C5orf24: variants seen among roughly 807,000 people sequenced by gnomAD.
C5orf24 encodes the protein UPF0461 protein C5orf24.
A neutral mutation model predicts 9.8 loss-of-function variants in C5orf24; 4 were observed. The observed-to-expected ratio is 0.41, with a 90% CI of 0.20 to 0.93. The LOEUF (loss-of-function observed/expected upper bound fraction) is 0.93, where lower values mean the gene tolerates loss of function less well. C5orf24 is among the 40% of genes least tolerant of loss of function. The probability of loss-of-function intolerance (pLI) is 0.33; values close to 1 mark genes in which losing one functional copy is unlikely to be tolerated. For synonymous variants in C5orf24, 73 were observed against 81.3 expected, an observed-to-expected ratio of 0.90 and a Z score of 0.55; for missense variants, 170 against 236.9, an observed-to-expected ratio of 0.72 and a Z score of 1.85.
chr5:134,854,892 T>C lies in C5orf24; in HGVS notation c.-3-6T>C, dbSNP rs201064253. On this transcript the variant is annotated splice_polypyrimidine_tract_variant and splice_region_variant and intron_variant, in intron 1 of 1. Coordinates refer to ENST00000394976, the MANE Select transcript of C5orf24 (RefSeq NM_001135586.1). The stretch of plus-strand genomic sequence containing the variant: ...TTTATATATATTTGTCTTTTATTTT[T>C]GGTAGAAAATGATGCATCCTGTTGC... 1.2e-6 allele frequency: 2 copies of C among 1,612,898 alleles called. No homozygotes were observed. The highest frequency in any genetic ancestry group is 2.7e-5 in the African/African-American group (2 of 74,954).
At chr5:134,835,684 T>G in the C5orf24 span, among the ~76,000 whole-genome samples, 1 of 151,994 alleles carries the variant, frequency 6.6e-6, no homozygotes, top group African/African-American at 2.4e-5. Context: ...GCTTCTGTGT[T>G]TTTTTTTCTT....
At chr5:134,834,412 C>T in the C5orf24 span, among the ~76,000 whole-genome samples, 17 of 152,276 alleles carry the variant, frequency 1.1e-4, no homozygotes, top group African/African-American at 4.1e-4. Context: ...CATCTTTTCT[C>T]TGTGCCTTTG....
chr5:134,853,528 C>CTTCTTTTTTTTTT (rs1756223114), intron 1 of C5orf24, among the ~76,000 whole-genome samples: 13 of 104,246 alleles, frequency 1.2e-4, no homozygotes, highest in African/African-American at 4.6e-4. Context: ...TCTTCTTCTT[C>CTTCTTTTTTTTTT]TTTTTTTTTT....
rs2150176955 is a variant in C5orf24, at chr5:134,855,979, C to T, written c.*512C>T. 4.0e-6 allele frequency: 4 copies of T among 1,002,554 alleles called. No homozygotes were observed. The highest frequency in any genetic ancestry group is 3.5e-5 in the African/African-American group (2 of 57,384). The allele number at this position is 1,002,554 out of a possible 1,614,324, so 62.1% of individuals were successfully genotyped here. Reference sequence around the variant, plus strand: ...ACATATTTGTATGCTTTGGCATTTACATCCACTTCAAATGTTAAAAAACTT... The same window carrying T: ...ACATATTTGTATGCTTTGGCATTTATATCCACTTCAAATGTTAAAAAACTT... On this transcript the variant is annotated 3_prime_UTR_variant, in exon 2 of 2. Coordinates refer to ENST00000394976, the MANE Select transcript of C5orf24 (RefSeq NM_001135586.1).
Position 134,855,764 on chromosome 5 carries a change from C to T in C5orf24, c.*297C>T. The T allele has an allele frequency of 8.0e-7, 1 of 1,252,160 alleles. No individual in the cohort carries two copies. Among genetic ancestry groups the T allele is most frequent in the Non-Finnish European group, 1.0e-6 (1 of 986,086 alleles). The allele number at this position is 1,252,160 out of a possible 1,614,324, so 77.6% of individuals were successfully genotyped here. A position where few individuals can be genotyped will look rare whatever the true frequency, so the allele number is the denominator to read the frequency against. On this transcript the variant is annotated 3_prime_UTR_variant, in exon 2 of 2. Coordinates refer to ENST00000394976, the MANE Select transcript of C5orf24 (RefSeq NM_001135586.1). The stretch of plus-strand genomic sequence containing the variant: ...GTTTCATTACTACTTTGGGGCTGTT[C>T]TAAATAGATGCTTTATGTGATAAAC...
Position 134,856,979 on chromosome 5 carries a change from TC to T in C5orf24, c.*1517del, listed in dbSNP as rs1756331227. 2.0e-6 allele frequency: 2 copies of T among 1,006,204 alleles called. No individual in the cohort carries two copies. Among genetic ancestry groups the T allele is most frequent in the South Asian group, 4.7e-5 (1 of 21,478 alleles). The allele number at this position is 1,006,204 out of a possible 1,614,324, so 62.3% of individuals were successfully genotyped here. A position where few individuals can be genotyped will look rare whatever the true frequency, so the allele number is the denominator to read the frequency against. On this transcript the variant is annotated 3_prime_UTR_variant, in exon 2 of 2. Transcript: ENST00000394976. ...ACCATCTCATCCAAAAGATTTTTTT[TC>T]CCCCAATGATGTTTGCTTTAGAAGC...
chr5:134,836,946 A>G, the C5orf24 span, among the ~76,000 whole-genome samples: 1 of 151,930 alleles, frequency 6.6e-6, no homozygotes, highest in African/African-American at 2.4e-5. Context: ...TACTTGAACA[A>G]CCTTGGGCTT....
Position 134,855,481 on chromosome 5 carries a change from AG to A in C5orf24, c.*15del. 6.2e-7 allele frequency: 1 copy of A among 1,613,374 alleles called. No homozygotes were observed. The highest frequency in any genetic ancestry group is 8.5e-7 in the Non-Finnish European group (1 of 1,179,862). The stretch of plus-strand genomic sequence containing the variant: ...CCCAATGAGTGAATGAGGCAGGAAA[AG>A]AGGGCCAGGTTTAGAAGGAAGATTG... On this transcript the variant is annotated 3_prime_UTR_variant, in exon 2 of 2. Transcript: ENST00000394976.
chr5:134,856,305 A>G lies in C5orf24; in HGVS notation c.*838A>G. The stretch of plus-strand genomic sequence containing the variant: ...ATTCTCTAGGTTTGCATGTAGCTAT[A>G]GTCACTATATTTTGCCTTTCATATA... On this transcript the variant is annotated 3_prime_UTR_variant, in exon 2 of 2. Transcript: ENST00000394976. 1 of 993,748 alleles carries G rather than the reference A, an allele frequency of 1.0e-6. No individual in the cohort carries two copies. The highest frequency in any genetic ancestry group is 1.2e-6 in the Non-Finnish European group (1 of 824,354). The allele number at this position is 993,748 out of a possible 1,614,324, so 61.6% of individuals were successfully genotyped here.
chr5:134,847,703 C>CT (rs1756033964), intron 1 of C5orf24, among the ~76,000 whole-genome samples: 1 of 138,778 alleles, frequency 7.2e-6, no homozygotes, highest in African/African-American at 2.9e-5. Context: ...AGTATTCATC[C>CT]TATTTTTTTT....
Position 134,856,173 on chromosome 5 carries a change from C to A in C5orf24, c.*706C>A, listed in dbSNP as rs1309020101. The A allele has an allele frequency of 1.0e-6, 1 of 996,468 alleles. No homozygotes were observed. The highest frequency in any genetic ancestry group is 1.8e-5 in the African/African-American group (1 of 57,114). 61.7% of individuals were successfully genotyped at this position (996,468 alleles called of 1,614,324 possible). On this transcript the variant is annotated 3_prime_UTR_variant, in exon 2 of 2. Transcript: ENST00000394976. The stretch of plus-strand genomic sequence containing the variant: ...TATATACCAAACACTACAAACAATT[C>A]ATATTTACAGAAAATTTAAACTATT...
the C5orf24 span, among the ~76,000 whole-genome samples, chr5:134,838,806 A>G: frequency 6.6e-6 from 1 of 151,858 alleles, no homozygotes; most frequent in African/African-American, 2.4e-5. Context: ...TTGTCTAAGT[A>G]TGGTCTTGTT....
At chr5:134,839,200 C>CA in the C5orf24 span, among the ~76,000 whole-genome samples, 11,339 of 120,962 alleles carry the variant, frequency 0.094, 602 homozygotes, top group East Asian at 0.32. Context: ...GACCCTGTCT[C>CA]AAAAAAAAAA....
the C5orf24 span, among the ~76,000 whole-genome samples, chr5:134,836,891 G>A: frequency 4.6e-5 from 7 of 152,150 alleles, no homozygotes; most frequent in African/African-American, 1.7e-4. Context: ...TTACTGTATT[G>A]GTATAACAGT....
Position 134,856,745 on chromosome 5 carries a change from A to G in C5orf24, c.*1278A>G. ...TTTAGTTTTTCTCAGAAATTGTCCC[A>G]TTGCATTAGCACTTACTGTGTTTTC... On this transcript the variant is annotated 3_prime_UTR_variant, in exon 2 of 2. Transcript: ENST00000394976. 2 of 999,922 alleles carry G rather than the reference A, an allele frequency of 2.0e-6. No individual in the cohort carries two copies. Among genetic ancestry groups the G allele is most frequent in the Non-Finnish European group, 2.4e-6 (2 of 829,668 alleles). The allele number at this position is 999,922 out of a possible 1,614,324, so 61.9% of individuals were successfully genotyped here.
rs1475382922 is a variant in C5orf24 at position 134,858,858 on chromosome 5, T to TA, written c.*3397dup. The TA allele has an allele frequency of 3.6e-5, 6 of 166,530 alleles. No individual in the cohort carries two copies. Among genetic ancestry groups the TA allele is most frequent in the East Asian group, 1.9e-4 (1 of 5,194 alleles). The allele number at this position is 166,530 out of a possible 1,614,324, so 10.3% of individuals were successfully genotyped here. ...TAATTTTTAATATTTAGGGACATTT[T>TA]AAAAAATCAATGTTTTAATTAGACT... On this transcript the variant is annotated 3_prime_UTR_variant, in exon 2 of 2. Transcript: ENST00000394976.
intron 1 of C5orf24, among the ~76,000 whole-genome samples, chr5:134,854,153 T>C (rs571701448): frequency 6.6e-6 from 1 of 152,350 alleles, no homozygotes; most frequent in South Asian, 2.1e-4. Flanking sequence ...TCTTAAGCAT[T>C]TGTATAATGT....
chr5:134,855,815 T>C lies in C5orf24; in HGVS notation c.*348T>C, dbSNP rs1225474480. The stretch of plus-strand genomic sequence containing the variant: ...AACTGAAACCATTATACCTATTAGT[T>C]TGTGAAGTAAGCCTACAGTATAATA... On this transcript the variant is annotated 3_prime_UTR_variant, in exon 2 of 2. Coordinates refer to ENST00000394976, the MANE Select transcript of C5orf24 (RefSeq NM_001135586.1). 12 of 1,120,262 alleles carry C rather than the reference T, an allele frequency of 1.1e-5. No homozygotes were observed. The highest frequency in any genetic ancestry group is 1.1e-5 in the Non-Finnish European group (10 of 906,074). 69.4% of individuals were successfully genotyped at this position (1,120,262 alleles called of 1,614,324 possible).
At position 134,857,162 on chromosome 5, in the gene C5orf24, T is replaced by C; in HGVS notation, c.*1695T>C. 7.6e-7 allele frequency: 1 copy of C among 1,321,054 alleles called. No individual in the cohort carries two copies. The allele number at this position is 1,321,054 out of a possible 1,614,324, so 81.8% of individuals were successfully genotyped here. On this transcript the variant is annotated 3_prime_UTR_variant, in exon 2 of 2. Coordinates refer to ENST00000394976, the MANE Select transcript of C5orf24 (RefSeq NM_001135586.1). ...TTATAAACTTCAGACTTGAAAAAATTCCACTTAACTTTAAAGTTACAATGT... is the reference window on the plus strand; with the variant it reads ...TTATAAACTTCAGACTTGAAAAAATCCCACTTAACTTTAAAGTTACAATGT...
Sources: allele counts gnomAD v4.1 joint callset (sites outside exome capture counted in the v4.1 genomes callset), GRCh38; gene constraint gnomAD v4.1.1; transcripts MANE v1.5; gene names NCBI Gene and HGNC (gene_info 2026-07-23, HGNC 2026-07-21).